The following FGD4 variants were observed in gnomAD, a reference collection of about 807,000 sequenced individuals.
The protein encoded by FGD4 is FYVE, RhoGEF and PH domain containing 4, also known as FYVE, RhoGEF and PH domain-containing protein 4.
In FGD4, 42 loss-of-function variants were observed where a neutral mutation model predicts 102.0. The ratio of observed to expected loss-of-function variants is 0.41; its 90% confidence interval spans 0.32 to 0.53. The LOEUF (loss-of-function observed/expected upper bound fraction) is 0.53, where lower values mean the gene tolerates loss of function less well. FGD4 is among the 20% of genes least tolerant of loss of function. The probability of loss-of-function intolerance (pLI) is 0.21; values close to 1 mark genes in which losing one functional copy is unlikely to be tolerated. For missense variants in FGD4, 902 were observed against 1,078.2 expected (o/e 0.84, Z 2.29); for synonymous variants, 380 against 375.7 (o/e 1.01, Z -0.13).
At position 32,421,548 on chromosome 12, in the gene FGD4, A is replaced by G. The variant is rs190188120; in HGVS notation, c.166+21589A>G. ...TGTCAGGAATTTCTGTATTTCTTTT[A>G]TCTTGTAGCTTTCTCTATCATATCC... On this transcript the variant is annotated intron_variant, in intron 1 of 16. Coordinates refer to ENST00000534526, the MANE Select transcript of FGD4 (RefSeq NM_001370298.3). 1.1e-3 allele frequency among the ~76,000 whole-genome samples: 162 copies of G among 152,150 alleles called. 1 individual carries two copies. Among genetic ancestry groups the G allele is most frequent in the Middle Eastern group, 3.4e-3 (1 of 294 alleles).
Position 32,399,651 on chromosome 12 carries a change from G to A in FGD4, c.-143G>A. The A allele has an allele frequency of 1.4e-6, 2 of 1,417,194 alleles. No individual in the cohort carries two copies. The highest frequency in any genetic ancestry group is 1.8e-6 in the Non-Finnish European group (2 of 1,094,548). 87.8% of individuals were successfully genotyped at this position (1,417,194 alleles called of 1,614,324 possible). ...AGCGTACCGGGAAGGAGAGGGAGAG[G>A]AGGCACTCGCTGAGGAGACGCCGCA... On this transcript the variant is annotated 5_prime_UTR_variant, in exon 1 of 17. Coordinates refer to ENST00000534526, the MANE Select transcript of FGD4 (RefSeq NM_001370298.3).
At chr12:32,576,787 A>G (rs920443158) in intron 3 of FGD4, among the ~76,000 whole-genome samples, 3 of 152,188 alleles carry the variant, frequency 2.0e-5, no homozygotes, top group Admixed American at 1.3e-4. Context: ...TGGGACGCTC[A>G]ATATCTGGGT....
At chr12:32,471,835 C>T (rs1431558437) in intron 1 of FGD4, among the ~76,000 whole-genome samples, 3 of 152,170 alleles carry the variant, frequency 2.0e-5, no homozygotes, top group Non-Finnish European at 2.9e-5. Flanking sequence ...GGCCCAGAAC[C>T]AGCACAGCAT....
intron 1 of FGD4, among the ~76,000 whole-genome samples, chr12:32,453,186 ATTT>A (rs1208748202): frequency 9.7e-5 from 9 of 92,382 alleles, no homozygotes; most frequent in South Asian, 7.6e-4. Flanking sequence ...TTATATATAT[ATTT>A]TATATATATA....
intron 1 of FGD4, among the ~76,000 whole-genome samples, chr12:32,439,313 G>A (rs529731728): frequency 1.3e-5 from 2 of 152,156 alleles, no homozygotes; most frequent in Admixed American, 6.5e-5. Flanking sequence ...TTTAAAGGCC[G>A]AATAGTATTC....
intron 4 of FGD4, among the ~76,000 whole-genome samples, chr12:32,584,796 C>A (rs1327676741): frequency 6.6e-6 from 1 of 152,110 alleles, no homozygotes; most frequent in South Asian, 2.1e-4. Context: ...AAACTTTAAT[C>A]TTCCTGGAAG....
Position 32,621,470 on chromosome 12 carries a change from T to G in FGD4, c.1922+1600T>G, listed in dbSNP as rs113941277. Among the ~76,000 whole-genome samples the G allele has an allele frequency of 2.4e-3, 360 of 152,306 alleles. 2 individuals carry two copies. Among genetic ancestry groups the G allele is most frequent in the African/African-American group, 8.1e-3 (337 of 41,566 alleles). On this transcript the variant is annotated intron_variant, in intron 11 of 16. Coordinates refer to ENST00000534526, the MANE Select transcript of FGD4 (RefSeq NM_001370298.3). ...ATGTTTTTCTGCTCCTTTCCATCAT[T>G]AGCTTATGTTTCTGGCTGCTCAGGT...
In FGD4 at chr12:32,569,602, C is replaced by T. The variant is rs188323755; in HGVS notation, c.319+5313C>T. On this transcript the variant is annotated intron_variant, in intron 2 of 16. Transcript: ENST00000534526. ...AGACTGAAATCTGCCCTCCCTTTGA[C>T]TTCCCACACCCTGGATGGTATTTAT... is the stretch of plus-strand genomic sequence containing the variant. Among the ~76,000 whole-genome samples, 581 of 152,292 alleles carry T rather than the reference C, an allele frequency of 3.8e-3. 2 individuals carry two copies. The highest frequency in any genetic ancestry group is 6.2e-3 in the Admixed American group (95 of 15,296).
chr12:32,594,110 C>A (rs79335833), intron 4 of FGD4, among the ~76,000 whole-genome samples: 1 of 152,062 alleles, frequency 6.6e-6, no homozygotes, highest in Non-Finnish European at 1.5e-5. Flanking sequence ...GTCCTCAGCC[C>A]GTAGGCCACG....
At chr12:32,479,422 T>C (rs1018673241) in intron 1 of FGD4, among the ~76,000 whole-genome samples, 2 of 152,132 alleles carry the variant, frequency 1.3e-5, no homozygotes, top group African/African-American at 4.8e-5. Context: ...CACAAACTTC[T>C]GGCCTTAAGC....
intron 4 of FGD4, among the ~76,000 whole-genome samples, chr12:32,596,926 ACT>A (rs952048344): frequency 1.2e-4 from 18 of 150,496 alleles, no homozygotes; most frequent in African/African-American, 4.2e-4. Context: ...CAAGAGCAAA[ACT>A]CTGTCTTAAA....
rs183478879 is a variant in FGD4 at position 32,402,172 on chromosome 12, G to A, written c.166+2213G>A. Among the ~76,000 whole-genome samples the A allele has an allele frequency of 3.4e-3, 499 of 148,218 alleles. 2 individuals are homozygous for A. Among genetic ancestry groups the A allele is most frequent in the Admixed American group, 5.3e-3 (77 of 14,634 alleles). On this transcript the variant is annotated intron_variant, in intron 1 of 16. Transcript: ENST00000534526. ...AAAGAGACGGGATTGCTTGGCACGG[G>A]GGCTCACGCCTGTAATCCCAGCACT...
At chr12:32,568,257 A>G (rs1470462520) in intron 2 of FGD4, among the ~76,000 whole-genome samples, 3 of 152,254 alleles carry the variant, frequency 2.0e-5, no homozygotes, top group Non-Finnish European at 4.4e-5. Flanking sequence ...TAGATTAGAG[A>G]TTGGATAAAC....
chr12:32,478,158 T>C lies in FGD4; in HGVS notation c.166+78199T>C, dbSNP rs142293361. ...ACCTTTATTTTCTTTTTTATCGTAT[T>C]GTTGTACTTTTGATTTAATGCTTTT... is the stretch of plus-strand genomic sequence containing the variant. On this transcript the variant is annotated intron_variant, in intron 1 of 16. Coordinates refer to ENST00000534526, the MANE Select transcript of FGD4 (RefSeq NM_001370298.3). Among the ~76,000 whole-genome samples the C allele has an allele frequency of 2.3e-3, 345 of 152,362 alleles. 1 individual carries two copies. Among genetic ancestry groups the C allele is most frequent in the Middle Eastern group, 0.014 (4 of 294 alleles).
At chr12:32,525,994 G>C (rs896405267) in intron 1 of FGD4, among the ~76,000 whole-genome samples, 3 of 152,246 alleles carry the variant, frequency 2.0e-5, no homozygotes, top group Non-Finnish European at 4.4e-5. Context: ...AGCCTCCGAC[G>C]AGCACCACCC....
Position 32,564,160 on chromosome 12 carries a change from G to C in FGD4, c.190G>C (p.Ala64Pro). ...AGGCAGCAGTACCTGTCCAAAGATC[G>C]CTTTAGTTCCACCTTGCTCCACAAG... ...ATGSSTCPKI[A>P]LVPPCSTSST... The change falls in exon 2 of 17, where the codon GCT becomes CCT. Residue 64 changes from alanine (A) to proline (P), a missense_variant. Coordinates refer to ENST00000534526, the MANE Select transcript of FGD4 (RefSeq NM_001370298.3). 6.5e-7 allele frequency: 1 copy of C among 1,536,010 alleles called. No homozygotes were observed. The highest frequency in any genetic ancestry group is 8.7e-7 in the Non-Finnish European group (1 of 1,146,862).
chr12:32,614,388 C>CA lies in FGD4; in HGVS notation c.1749+3108dup, dbSNP rs773270542. Among the ~76,000 whole-genome samples, 6 of 152,118 alleles carry CA rather than the reference C, an allele frequency of 3.9e-5. No homozygotes were observed. The East Asian group carries it at 5.8e-4, about 15-fold the overall frequency. On this transcript the variant is annotated intron_variant, in intron 10 of 16. Transcript: ENST00000534526. ...TACCAACAGGTAGAAGTGGTCCAGT[C>CA]AAAGCAAAAGAGGTCCAGTCAAGAG... is the stretch of plus-strand genomic sequence containing the variant.
intron 1 of FGD4, among the ~76,000 whole-genome samples, chr12:32,428,682 C>G (rs943196931): frequency 6.6e-6 from 1 of 152,108 alleles, no homozygotes. Context: ...TCAGTTCTCC[C>G]CATCACTTTC....
Position 32,522,471 on chromosome 12 carries a change from G to A in FGD4, c.167-41666G>A, listed in dbSNP as rs185946179. ...AATTAGAAGAAATTTGGATCAGGCA[G>A]CTCATCAAAAAATAGAGAAATGAAA... On this transcript the variant is annotated intron_variant, in intron 1 of 16. Coordinates refer to ENST00000534526, the MANE Select transcript of FGD4 (RefSeq NM_001370298.3). 1.6e-4 allele frequency among the ~76,000 whole-genome samples: 25 copies of A among 152,284 alleles called. No homozygotes were observed. In the East Asian group the frequency reaches 4.8e-3, roughly 29 times the overall value.
Sources: gnomAD v4.1 joint callset for allele counts (sites outside exome capture counted in the v4.1 genomes callset) on GRCh38, gnomAD v4.1.1 for gene constraint, MANE v1.5 for transcripts, NCBI Gene and HGNC (gene_info 2026-07-23, HGNC 2026-07-21) for gene names.